Variants in ROCK2 observed in about 807,000 individuals in gnomAD.
ROCK2 encodes the protein rho-associated protein kinase 2.
Under a neutral mutation model 195.1 loss-of-function variants are expected in ROCK2, and 61 were observed. The observed-to-expected ratio is 0.31, with a 90% CI of 0.25 to 0.39. The LOEUF (loss-of-function observed/expected upper bound fraction) is 0.39. Ranked by LOEUF, ROCK2 falls within the 10% of genes least tolerant of loss-of-function variation. The pLI is 1.00. For synonymous variants in ROCK2, 504 were observed against 545.5 expected, an observed-to-expected ratio of 0.92 and a Z score of 1.06; for missense variants, 1,109 against 1,637.4, an observed-to-expected ratio of 0.68 and a Z score of 5.57.
intron 32 of ROCK2, among the ~76,000 whole-genome samples, chr2:11,186,716 C>T (rs1216232722): frequency 2.0e-5 from 3 of 152,206 alleles, no homozygotes; most frequent in Non-Finnish European, 4.4e-5. Context: ...CCCTTGCCTT[C>T]TCCCAACGCC....
intron 1 of ROCK2, among the ~76,000 whole-genome samples, chr2:11,314,599 T>C (rs1463566429): frequency 2.6e-5 from 4 of 151,982 alleles, no homozygotes; most frequent in Admixed American, 2.0e-4. Flanking sequence ...TAGTTCCTTT[T>C]AGAACACTGT....
At chr2:11,203,661 A>G (rs1663945611) in intron 20 of ROCK2, among the ~76,000 whole-genome samples, 4 of 152,094 alleles carry the variant, frequency 2.6e-5, no homozygotes, top group Admixed American at 1.3e-4. Flanking sequence ...CACTTTGTTT[A>G]CTCACTGGCT....
At chr2:11,308,314 A>G in intron 1 of ROCK2, 9 of 1,129,476 alleles carry the variant, frequency 8.0e-6, no homozygotes, top group Non-Finnish European at 1.2e-5. Flanking sequence ...AACCAATCCT[A>G]AAGAATATTC....
intron 1 of ROCK2, among the ~76,000 whole-genome samples, chr2:11,318,929 T>C (rs1668314404): frequency 6.6e-6 from 1 of 152,224 alleles, no homozygotes; most frequent in Non-Finnish European, 1.5e-5. Context: ...TGTGGTATTA[T>C]TTCTGAGGGC....
intron 3 of ROCK2, among the ~76,000 whole-genome samples, chr2:11,257,662 G>A (rs1180418264): frequency 6.6e-6 from 1 of 151,314 alleles, no homozygotes; most frequent in African/African-American, 2.5e-5. Context: ...ATCTGGAACT[G>A]GTGACTCGAA....
intron 30 of ROCK2, among the ~76,000 whole-genome samples, chr2:11,193,489 A>C (rs907694390): frequency 2.6e-5 from 4 of 152,218 alleles, no homozygotes; most frequent in Admixed American, 2.6e-4. Context: ...GTTTAAAAAA[A>C]AGTCATAACC....
chr2:11,308,253 A>G, intron 1 of ROCK2: 2 of 1,200,962 alleles, frequency 1.7e-6, no homozygotes, highest in South Asian at 1.2e-5. Context: ...ACAGCTTTAC[A>G]GTCCACACAG....
chr2:11,209,455 C>A (rs1292748330), intron 18 of ROCK2, among the ~76,000 whole-genome samples: 1 of 152,144 alleles, frequency 6.6e-6, no homozygotes, highest in Non-Finnish European at 1.5e-5. Context: ...GAAACGCTCA[C>A]AATGTCTTGT....
chr2:11,274,997 CT>C (rs1666773047), intron 3 of ROCK2, among the ~76,000 whole-genome samples: 1 of 152,176 alleles, frequency 6.6e-6, no homozygotes, highest in Non-Finnish European at 1.5e-5. Context: ...TGGCTCATGC[CT>C]GTAATCCCAG....
At chr2:11,228,666 T>C (rs141585067) in intron 5 of ROCK2, among the ~76,000 whole-genome samples, 228 of 152,190 alleles carry the variant, frequency 1.5e-3, no homozygotes, top group African/African-American at 5.3e-3. Context: ...AGAGGCTTAT[T>C]AGGTTAAAGA....
chr2:11,238,650 C>A (rs1665313020), intron 4 of ROCK2, among the ~76,000 whole-genome samples: 1 of 152,078 alleles, frequency 6.6e-6, no homozygotes, highest in Non-Finnish European at 1.5e-5. Flanking sequence ...GAATTTGAGA[C>A]CAGCCTGGGC....
chr2:11,323,235 C>T (rs1253518973), intron 1 of ROCK2, among the ~76,000 whole-genome samples: 1 of 152,264 alleles, frequency 6.6e-6, no homozygotes, highest in South Asian at 2.1e-4. Flanking sequence ...AGAATACTGT[C>T]TTAGAAATCT....
chr2:11,256,163 T>C (rs944118154), intron 3 of ROCK2, among the ~76,000 whole-genome samples: 2 of 151,180 alleles, frequency 1.3e-5, no homozygotes, highest in African/African-American at 4.9e-5. Flanking sequence ...CACATACTTA[T>C]ATATAATAAT....
chr2:11,195,221 G>T (rs1338582356), intron 27 of ROCK2, 196 bp from the exon 28 acceptor site: 9 of 323,824 alleles, frequency 2.8e-5, no homozygotes, highest in Non-Finnish European at 4.4e-5. Context: ...CAAAATCCAG[G>T]TTATATCATA....
rs1553317465 is a variant in ROCK2 at position 11,317,613 on chromosome 2, T to TATATATACATATA, written c.141+26382_141+26383insTATATGTATATAT. Among the ~76,000 whole-genome samples the TATATATACATATA allele has an allele frequency of 1.5e-4, 3 of 20,306 alleles. 1 individual carries two copies. The highest frequency in any genetic ancestry group is 5.9e-4 in the African/African-American group (3 of 5,086). The allele number at this position is 20,306 out of a possible 152,430, so 13.3% of individuals were successfully genotyped here. On this transcript the variant is annotated intron_variant, in intron 1 of 32. Transcript: ENST00000315872. ...ATATATATATATATATATATATATA[T>TATATATACATATA]TTTTTTTTTTTTTTAATTATACTTT...
chr2:11,217,252 T>C, intron 11 of ROCK2, 83 bp from the exon 12 acceptor site: 1 of 772,458 alleles, frequency 1.3e-6, no homozygotes, highest in Non-Finnish European at 2.4e-6. Flanking sequence ...GATAAGCTTA[T>C]TTTGTCTTTC....
At chr2:11,295,636 T>G (rs779790236) in intron 1 of ROCK2, among the ~76,000 whole-genome samples, 20 of 152,106 alleles carry the variant, frequency 1.3e-4, no homozygotes, top group Non-Finnish European at 2.4e-4. Context: ...AGTGCTCCAT[T>G]ACAGATACTC....
At chr2:11,247,745 C>T (rs116746215) in intron 4 of ROCK2, among the ~76,000 whole-genome samples, 6,473 of 152,266 alleles carry the variant, frequency 0.043, 279 homozygotes, top group Non-Finnish European at 0.06. Flanking sequence ...GCAGGCCAGG[C>T]GCAGAGGCTC....
In ROCK2 at chr2:11,227,409, A is replaced by G. The variant is rs1664852660; in HGVS notation, c.724-11T>C. 1 of 1,602,168 alleles carries G rather than the reference A, an allele frequency of 6.2e-7. No homozygotes were observed. The highest frequency in any genetic ancestry group is 2.2e-5 in the East Asian group (1 of 44,768). ...ATGTACCATGCCTGTCTGCATGAAC[A>G]GGAGAGATAAAGAAAAAACAGTTCA... On this transcript the variant is annotated splice_polypyrimidine_tract_variant and intron_variant, in intron 5 of 32. Coordinates refer to ENST00000315872, the MANE Select transcript of ROCK2 (RefSeq NM_004850.5).
Sources: gnomAD v4.1 joint callset for allele counts (sites outside exome capture counted in the v4.1 genomes callset) on GRCh38, gnomAD v4.1.1 for gene constraint, MANE v1.5 for transcripts, NCBI Gene and HGNC (gene_info 2026-07-23, HGNC 2026-07-21) for gene names.